Variants in NEK8 observed in about 807,000 individuals in gnomAD.
The protein encoded by NEK8 is NIMA related kinase 8, also known as serine/threonine-protein kinase Nek8.
Under a neutral mutation model 77.2 loss-of-function variants are expected in NEK8, and 51 were observed. The ratio of observed to expected loss-of-function variants is 0.66; its 90% CI spans 0.53 to 0.83. NEK8 has a LOEUF of 0.83. NEK8 is among the 40% of genes least tolerant of loss of function. The pLI is 0.00. For missense variants in NEK8, 787 were observed against 909.2 expected (o/e 0.87, Z 1.73); for synonymous variants, 365 against 363.2 (o/e 1.00, Z -0.06).
Position 28,735,015 on chromosome 17 carries a change from A to T in NEK8, c.486+11A>T. The T allele has an allele frequency of 1.9e-6, 3 of 1,597,514 alleles. No individual in the cohort carries two copies. The highest frequency in any genetic ancestry group is 2.6e-6 in the Non-Finnish European group (3 of 1,168,222). ...AGCAAGGCCTACACGGTGCCTGGGC[A>T]TGGAAGGGACCTCCAGGGCACTAGA... On this transcript the variant is annotated intron_variant, in intron 3 of 14. Transcript: ENST00000268766.
chr17:28,733,895 G>A, intron 1 of NEK8, 88 bp from the exon 2 acceptor site: 2 of 1,087,522 alleles, frequency 1.8e-6, no homozygotes, highest in Non-Finnish European at 2.8e-6. Context: ...CCTCTTCCAA[G>A]AGACATCAGT....
Position 28,741,472 on chromosome 17 carries a change from G to A in NEK8, c.1951G>A (p.Asp651Asn). 1 of 1,614,194 alleles carries A rather than the reference G, an allele frequency of 6.2e-7. No homozygotes were observed. The highest frequency in any genetic ancestry group is 8.5e-7 in the Non-Finnish European group (1 of 1,180,034). Residue 651 changes from aspartate to asparagine, a missense_variant, in exon 14 of 15, where the codon GAT (aspartate) becomes AAT (asparagine). By Grantham distance (23) the Asp-to-Asn change is conservative. This residue lies in a region of NEK8 where 516 missense variants were observed against 544.0 expected (regional missense o/e 0.95). Transcript: ENST00000268766. This position sits in a 1 kb window ranked among gnomAD's most constrained non-coding sequence, Gnocchi z 4.5. ...ARGRLGRRDE[D>N]AGLPRPVQLD... Reference sequence around the variant, plus strand: ...AGGTCGATTGGGAAGGAGGGATGAGGATGCCGGACTCCCTCGGCCAGTGCA... The same window carrying A: ...AGGTCGATTGGGAAGGAGGGATGAGAATGCCGGACTCCCTCGGCCAGTGCA...
At position 28,741,975 on chromosome 17, in the gene NEK8, G is replaced by A. The variant is rs760013298; in HGVS notation, c.2067G>A (p.Pro689=). The A allele has an allele frequency of 2.1e-5, 34 of 1,613,860 alleles. No homozygotes were observed. Among genetic ancestry groups the A allele is most frequent in the Admixed American group, 8.3e-5 (5 of 59,986 alleles). Residue 689 remains proline (P), a synonymous_variant, in exon 15 of 15, where the codon CCG becomes CCA. Coordinates refer to ENST00000268766, the MANE Select transcript of NEK8 (RefSeq NM_178170.3). The surrounding 1 kb of genome is among the most constrained non-coding windows in gnomAD (Gnocchi z 4.5). ...ACCCTCCAGCGGTCACAGATGAGCC[G>A]GTCCCCCCCTGAGGCACCCGGATTC... is the stretch of plus-strand genomic sequence containing the variant. The part of the protein sequence containing the change: ...LLAVRSVTDE[P]VPP
chr17:28,729,336 C>G (rs2034282991), intron 1 of NEK8, among the ~76,000 whole-genome samples: 1 of 152,142 alleles, frequency 6.6e-6, no homozygotes, highest in Non-Finnish European at 1.5e-5. Flanking sequence ...GAAGAATTCT[C>G]TGAGAAGGGA....
rs1358979898 is a variant in NEK8 at position 28,740,659 on chromosome 17, G to A, written c.1568+46G>A. On this transcript the variant is annotated intron_variant, in intron 11 of 14. Transcript: ENST00000268766. This position sits in a 1 kb window ranked among gnomAD's most constrained non-coding sequence, Gnocchi z 4.7. ...ACTAACCTGCCCCTGGCTCTCCTTG[G>A]CTGCAAGTGCTCCGTCCATCATTGC... The A allele has an allele frequency of 6.2e-7, 1 of 1,608,414 alleles. No individual in the cohort carries two copies. Among genetic ancestry groups the A allele is most frequent in the Admixed American group, 1.7e-5 (1 of 59,996 alleles).
intron 4 of NEK8, among the ~76,000 whole-genome samples, chr17:28,735,835 A>T (rs1309189549): frequency 6.6e-6 from 1 of 151,940 alleles, no homozygotes; most frequent in Non-Finnish European, 1.5e-5. Context: ...TGCAGGTTTG[A>T]TACGTATGTA....
intron 4 of NEK8, among the ~76,000 whole-genome samples, chr17:28,736,283 T>C (rs2034364947): frequency 1.3e-5 from 2 of 152,214 alleles, no homozygotes; most frequent in African/African-American, 4.8e-5. Context: ...CCTTTGGGTA[T>C]ACACCCAGTA....
chr17:28,741,723 C>A lies in NEK8; in HGVS notation c.2050+152C>A. On this transcript the variant is annotated intron_variant, in intron 14 of 14. Transcript: ENST00000268766. The surrounding 1 kb of genome is among the most constrained non-coding windows in gnomAD (Gnocchi z 4.5). ...GCTGCGGTTGAAAAGCTTCAAGCTT[C>A]CTGCCTGGGGTGGCCAAGGCTGGTG... 1 of 1,144,542 alleles carries A rather than the reference C, an allele frequency of 8.7e-7. No individual in the cohort carries two copies. Among genetic ancestry groups the A allele is most frequent in the Non-Finnish European group, 1.3e-6 (1 of 770,348 alleles). The allele number at this position is 1,144,542 out of a possible 1,614,324, so 70.9% of individuals were successfully genotyped here. A position where few individuals can be genotyped will look rare whatever the true frequency, so the allele number is the denominator to read the frequency against.
intron 2 of NEK8, 153 bp from the exon 3 acceptor site, chr17:28,734,619 G>A (rs1284263112): frequency 4.7e-6 from 3 of 638,964 alleles, no homozygotes; most frequent in African/African-American, 3.7e-5. Context: ...GGGAGGGGGG[G>A]CTTGCAGCAG....
chr17:28,735,944 A>G (rs1261396154), intron 4 of NEK8, among the ~76,000 whole-genome samples: 1 of 95,518 alleles, frequency 1.0e-5, no homozygotes, highest in African/African-American at 4.2e-5. Flanking sequence ...ACCCCACAAC[A>G]GGCCCCGGTG....
chr17:28,735,513 G>A (rs1200360474), intron 4 of NEK8, 142 bp downstream of exon 4: 13 of 925,560 alleles, frequency 1.4e-5, no homozygotes, highest in East Asian at 1.4e-4. Flanking sequence ...GGCTATGGGT[G>A]TCCCTCAGAC....
At chr17:28,730,096 A>G (rs2034292115) in intron 1 of NEK8, among the ~76,000 whole-genome samples, 1 of 152,116 alleles carries the variant, frequency 6.6e-6, no homozygotes, top group Admixed American at 6.6e-5. Flanking sequence ...TTCATTTGCC[A>G]CAAACGGTTT....
chr17:28,739,640 G>C (rs2034400425), intron 10 of NEK8, among the ~76,000 whole-genome samples: 1 of 152,108 alleles, frequency 6.6e-6, no homozygotes, highest in Admixed American at 6.5e-5. Context: ...GTAGAGACAG[G>C]GTTTCACCAT....
Position 28,734,946 on chromosome 17 carries a change from T to C in NEK8, c.428T>C (p.Val143Ala). 2.5e-6 allele frequency: 4 copies of C among 1,613,214 alleles called. No individual in the cohort carries two copies. The highest frequency in any genetic ancestry group is 3.4e-6 in the Non-Finnish European group (4 of 1,179,938). ...NILLDKHRMV[V>A]KIGDFGISKI... is the part of the protein sequence containing the mutation. ...CTGCTTGACAAACACCGCATGGTCG[T>C]CAAGATCGGTGATTTCGGCATCTCC... is the stretch of plus-strand genomic sequence containing the variant. The change falls in exon 3 of 15, where the codon GTC (valine) becomes GCC (alanine). Residue 143 changes from valine to alanine, a missense_variant. Val to Ala is a moderately conservative substitution (Grantham distance 64). Transcript: ENST00000268766.
intron 4 of NEK8, among the ~76,000 whole-genome samples, chr17:28,735,788 T>A (rs1030646882): frequency 6.6e-5 from 10 of 152,158 alleles, no homozygotes; most frequent in East Asian, 3.8e-4. Flanking sequence ...TTATTTTTTT[T>A]ATTATACTTT....
intron 9 of NEK8, 49 bp from the exon 10 acceptor site, chr17:28,739,035 T>A: frequency 7.2e-7 from 1 of 1,396,532 alleles, no homozygotes; most frequent in Non-Finnish European, 1.0e-6. Context: ...TGAAGCCAGA[T>A]GGCTCCAGAC....
In NEK8 at chr17:28,737,311, G is replaced by A; in HGVS notation, c.624G>A (p.Leu208=). 2 of 1,611,310 alleles carry A rather than the reference G, an allele frequency of 1.2e-6. No homozygotes were observed. Among genetic ancestry groups the A allele is most frequent in the African/African-American group, 2.7e-5 (2 of 75,022 alleles). ...SLKRAFEAAN[L]PALVLKIMSG... is the part of the protein sequence containing the mutation. Reference sequence around the variant, plus strand: ...TCAACCTGGTGCCTTCACAGAACTTGCCAGCACTGGTGCTGAAGATCATGA... The same window carrying A: ...TCAACCTGGTGCCTTCACAGAACTTACCAGCACTGGTGCTGAAGATCATGA... The change falls in exon 5 of 15, where the codon TTG becomes TTA. Residue 208 remains leucine, a synonymous_variant. Coordinates refer to ENST00000268766, the MANE Select transcript of NEK8 (RefSeq NM_178170.3). The surrounding 1 kb of genome is among the most constrained non-coding windows in gnomAD (Gnocchi z 4.8).
At chr17:28,735,570 C>T (rs1597805816) in intron 4 of NEK8, among the ~76,000 whole-genome samples, 199 bp downstream of exon 4, 1 of 152,186 alleles carries the variant, frequency 6.6e-6, no homozygotes, top group East Asian at 1.9e-4. Context: ...ACGGAGGGCT[C>T]CTGAGGGCAG....
rs769455568 is a variant in NEK8 at position 28,734,183 on chromosome 17, C to T, written c.248C>T (p.Ala83Val). Residue 83 changes from alanine to valine, a missense_variant, in exon 2 of 15, where the codon GCA becomes GTA. Physicochemically the swap from Ala to Val is moderately conservative, Grantham distance 64. Transcript: ENST00000268766. ...DKALMIAMEY[A>V]PGGTLAEFIQ... ...GCCCTTATGATCGCCATGGAATATG[C>T]ACCAGGTGGGCCAGCCTCCTTACAG... 1.6e-5 allele frequency: 26 copies of T among 1,613,916 alleles called. No individual in the cohort carries two copies. Among genetic ancestry groups the T allele is most frequent in the Admixed American group, 3.3e-5 (2 of 60,004 alleles).
Sources: allele counts gnomAD v4.1 joint callset (sites outside exome capture counted in the v4.1 genomes callset), GRCh38; gene constraint gnomAD v4.1.1; regional missense constraint gnomAD v4.1.1; non-coding constraint Gnocchi (gnomAD v3.1); transcripts MANE v1.5; gene names NCBI Gene and HGNC (gene_info 2026-07-23, HGNC 2026-07-21).